The following CAPN1 variants were observed in gnomAD, a reference collection of about 807,000 sequenced individuals.
CAPN1 encodes calpain 1.
Under a neutral mutation model 105.2 loss-of-function variants are expected in CAPN1, and 77 were observed. The observed-to-expected ratio is 0.73, with a 90% CI of 0.61 to 0.88. The LOEUF (loss-of-function observed/expected upper bound fraction) is 0.88. CAPN1 is among the 40% of genes least tolerant of loss of function. The pLI, the probability that CAPN1 is intolerant of heterozygous loss-of-function variation, is 0.00. For missense variants in CAPN1, 833 were observed against 976.6 expected (o/e 0.85, Z 1.96); for synonymous variants, 355 against 388.8 (o/e 0.91, Z 1.02).
At position 65,209,219 on chromosome 11, in the gene CAPN1, G is replaced by A. The variant is rs997564225; in HGVS notation, c.1730-104G>A. The stretch of plus-strand genomic sequence containing the variant: ...CCTCTGCCAGATATTGCACCCACTC[G>A]TCAGGATTTGTGCGTCCTTGACTCT... On this transcript the variant is annotated intron_variant, in intron 16 of 21. Transcript: ENST00000279247. This position sits in a 1 kb window ranked among gnomAD's most constrained non-coding sequence, Gnocchi z 4.1. The A allele has an allele frequency of 6.1e-5, 50 of 820,918 alleles. No homozygotes were observed. The highest frequency in any genetic ancestry group is 1.6e-4 in the Admixed American group (8 of 49,408). 50.9% of individuals were successfully genotyped at this position (820,918 alleles called of 1,614,324 possible). A position where few individuals can be genotyped will look rare whatever the true frequency, so the allele number is the denominator to read the frequency against.
In CAPN1 at chr11:65,210,948, G is replaced by C. The variant is rs1372427352; in HGVS notation, c.2118+76G>C. On this transcript the variant is annotated intron_variant, in intron 21 of 21. Transcript: ENST00000279247. The surrounding 1 kb of genome is among the most constrained non-coding windows in gnomAD (Gnocchi z 4.3). ...TTTTCTTATCTGGCCAGTGTTCCCT[G>C]TCCTTTCCTGGAAATGAGCCTGGGC... The C allele has an allele frequency of 5.4e-6, 7 of 1,284,554 alleles. No homozygotes were observed. The highest frequency in any genetic ancestry group is 5.1e-5 in the Admixed American group (3 of 59,186). The allele number at this position is 1,284,554 out of a possible 1,614,324, so 79.6% of individuals were successfully genotyped here.
intron 14 of CAPN1, 100 bp downstream of exon 14, chr11:65,206,919 A>G: frequency 8.9e-7 from 1 of 1,128,426 alleles, no homozygotes; most frequent in Non-Finnish European, 1.3e-6. Flanking sequence ...TCCTGCTAAC[A>G]GGGAAGATCC....
intron 6 of CAPN1, 103 bp from the exon 7 acceptor site, chr11:65,187,112 T>C: frequency 1.3e-6 from 1 of 774,348 alleles, no homozygotes; most frequent in Non-Finnish European, 2.2e-6. Flanking sequence ...CTAGCAACTG[T>C]TGTATGTGCA....
intron 10 of CAPN1, among the ~76,000 whole-genome samples, chr11:65,201,080 G>T (rs1948862361): frequency 6.6e-6 from 1 of 151,474 alleles, no homozygotes; most frequent in Non-Finnish European, 1.5e-5. Flanking sequence ...CAGTAGCTGG[G>T]ACTACAGGTG....
Position 65,209,653 on chromosome 11 carries a change from A to T in CAPN1, c.1795-196A>T. ...CTGGTGCTATTTCTGACCCCTCCCCAGCCCACTCCACTGCAGCCCAGCTCA... is the reference window on the plus strand; with the variant it reads ...CTGGTGCTATTTCTGACCCCTCCCCTGCCCACTCCACTGCAGCCCAGCTCA... On this transcript the variant is annotated intron_variant, in intron 17 of 21. Transcript: ENST00000279247. This position sits in a 1 kb window ranked among gnomAD's most constrained non-coding sequence, Gnocchi z 4.1. 2 of 650,214 alleles carry T rather than the reference A, an allele frequency of 3.1e-6. No individual in the cohort carries two copies. Among genetic ancestry groups the T allele is most frequent in the Non-Finnish European group, 5.4e-6 (2 of 368,718 alleles). The allele number at this position is 650,214 out of a possible 1,614,324, so 40.3% of individuals were successfully genotyped here.
chr11:65,200,728 C>G (rs1172010410), intron 10 of CAPN1, among the ~76,000 whole-genome samples: 1 of 150,962 alleles, frequency 6.6e-6, no homozygotes, highest in East Asian at 2.0e-4. Flanking sequence ...GCAGCCTCAG[C>G]CTTCTGGGCT....
At chr11:65,211,024 T>A in intron 21 of CAPN1, 152 bp downstream of exon 21, 1 of 777,820 alleles carries the variant, frequency 1.3e-6, no homozygotes, top group Non-Finnish European at 2.2e-6. Context: ...AAGGCTGGGG[T>A]GGGGGTGTCT....
Position 65,208,743 on chromosome 11 carries a change from G to A in CAPN1, c.1729+481G>A, listed in dbSNP as rs1222735917. The A allele has an allele frequency of 8.0e-6, 2 of 250,824 alleles. No individual in the cohort carries two copies. The highest frequency in any genetic ancestry group is 1.0e-4 in the South Asian group (2 of 19,884). The allele number at this position is 250,824 out of a possible 1,614,324, so 15.5% of individuals were successfully genotyped here. A position where few individuals can be genotyped will look rare whatever the true frequency, so the allele number is the denominator to read the frequency against. On this transcript the variant is annotated intron_variant, in intron 16 of 21. Coordinates refer to ENST00000279247, the MANE Select transcript of CAPN1 (RefSeq NM_005186.4). This position sits in a 1 kb window ranked among gnomAD's most constrained non-coding sequence, Gnocchi z 4.1. The stretch of plus-strand genomic sequence containing the variant: ...TGCAGTGAGCTGTGATCACATCAGT[G>A]CACTCCAGCCTGGGCAACAGAGCAA...
At chr11:65,185,621 T>C (rs895539727) in intron 4 of CAPN1, among the ~76,000 whole-genome samples, 1 of 151,108 alleles carries the variant, frequency 6.6e-6, no homozygotes, top group African/African-American at 2.4e-5. Context: ...ATACTTTGAT[T>C]TCCTTCAATA....
rs533624971 is a variant in CAPN1 at position 65,191,570 on chromosome 11, G to C, written c.1165+2824G>C. 1.2e-4 allele frequency among the ~76,000 whole-genome samples: 18 copies of C among 152,214 alleles called. No homozygotes were observed. The East Asian group carries it at 3.5e-3, about 29-fold the overall frequency. On this transcript the variant is annotated intron_variant, in intron 10 of 21. Coordinates refer to ENST00000279247, the MANE Select transcript of CAPN1 (RefSeq NM_005186.4). Reference sequence around the variant, plus strand: ...ATTTTTGTATTTTTATTAGAGACAGGGTTTCACCATGTTGGCCAGGGTGGT... The same window carrying C: ...ATTTTTGTATTTTTATTAGAGACAGCGTTTCACCATGTTGGCCAGGGTGGT...
rs199993600 is a variant in CAPN1, at chr11:65,185,977, G to A, written c.517G>A (p.Gly173Arg). 3.5e-4 allele frequency: 563 copies of A among 1,602,986 alleles called. No homozygotes were observed. Among genetic ancestry groups the A allele is most frequent in the Middle Eastern group, 2.6e-3 (16 of 6,052 alleles). The change falls in exon 5 of 22, where the codon GGG becomes AGG. Residue 173 changes from glycine to arginine, a missense_variant. Coordinates refer to ENST00000279247, the MANE Select transcript of CAPN1 (RefSeq NM_005186.4). The stretch of plus-strand genomic sequence containing the variant: ...GGATGACCTGCTGCCCATCAAGGAC[G>A]GGAAGCTAGTGTTCGTGCACTCTGC... The part of the protein sequence containing the change: ...VVDDLLPIKD[G>R]KLVFVHSAEG...
intron 1 of CAPN1, chr11:65,182,226 C>G (rs150781111): frequency 3.7e-5 from 6 of 161,430 alleles, no homozygotes; most frequent in African/African-American, 1.2e-4. Context: ...TGATATCGAG[C>G]CTGCTGCGGG....
At position 65,188,373 on chromosome 11, in the gene CAPN1, G is replaced by A. The variant is rs774820167; in HGVS notation, c.930-41G>A. 6 of 1,565,718 alleles carry A rather than the reference G, an allele frequency of 3.8e-6. No individual in the cohort carries two copies. In the South Asian group the frequency reaches 6.9e-5, roughly 18 times the overall value. On this transcript the variant is annotated intron_variant, in intron 8 of 21. Coordinates refer to ENST00000279247, the MANE Select transcript of CAPN1 (RefSeq NM_005186.4). The surrounding 1 kb of genome is among the most constrained non-coding windows in gnomAD (Gnocchi z 5.5). ...GGCCCCAGGGACAGAGGCCAGGCAG[G>A]TCAGTGCCCACCAGCCCTGGCAGAG...
At chr11:65,190,703 G>GT (rs781281135) in intron 10 of CAPN1, among the ~76,000 whole-genome samples, 6 of 149,130 alleles carry the variant, frequency 4.0e-5, no homozygotes, top group Non-Finnish European at 4.5e-5. Context: ...TTTGTTGTTG[G>GT]TTTTTTTTGT....
At chr11:65,207,127 G>A (rs1398640017) in intron 14 of CAPN1, among the ~76,000 whole-genome samples, 1 of 151,360 alleles carries the variant, frequency 6.6e-6, no homozygotes, top group Non-Finnish European at 1.5e-5. Flanking sequence ...TACCTCCTCT[G>A]AATGGGAAAT....
chr11:65,192,704 T>G (rs1452121473), intron 10 of CAPN1, among the ~76,000 whole-genome samples: 2 of 151,926 alleles, frequency 1.3e-5, no homozygotes, highest in African/African-American at 4.8e-5. Flanking sequence ...CTCGAACTCC[T>G]GAGCTCAAAT....
chr11:65,204,745 T>A lies in CAPN1; in HGVS notation c.1228T>A (p.Tyr410Asn). Residue 410 changes from tyrosine to asparagine, a missense_variant, in exon 11 of 22, where the codon TAC becomes AAC. Tyr to Asn is a moderately radical substitution (Grantham distance 143). Coordinates refer to ENST00000279247, the MANE Select transcript of CAPN1 (RefSeq NM_005186.4). ...GGATGAGACGGATGACCCGGACGAC[T>A]ACGGGGACCGCGAGTCAGGCTGCAG... is the stretch of plus-strand genomic sequence containing the variant. ...RLDETDDPDD[Y>N]GDRESGCSFV... is the part of the protein sequence containing the mutation. 2 of 1,613,158 alleles carry A rather than the reference T, an allele frequency of 1.2e-6. No individual in the cohort carries two copies. The highest frequency in any genetic ancestry group is 4.5e-5 in the East Asian group (2 of 44,862).
At chr11:65,196,984 G>T (rs1165244961) in intron 10 of CAPN1, among the ~76,000 whole-genome samples, 1 of 152,122 alleles carries the variant, frequency 6.6e-6, no homozygotes, top group Non-Finnish European at 1.5e-5. Context: ...CTATGAGGCA[G>T]GAACTATTAT....
chr11:65,188,726 G>A lies in CAPN1; in HGVS notation c.1145G>A (p.Gly382Glu). 2 of 1,579,610 alleles carry A rather than the reference G, an allele frequency of 1.3e-6. No homozygotes were observed. The highest frequency in any genetic ancestry group is 8.6e-7 in the Non-Finnish European group (1 of 1,163,108). ...EGTWRRGSTA[G>E]GCRNYPATFW... Reference sequence around the variant, plus strand: ...ACCTGGCGGCGGGGGAGCACCGCGGGGGGCTGCCGAAACTACCCAGGTGCA... The same window carrying A: ...ACCTGGCGGCGGGGGAGCACCGCGGAGGGCTGCCGAAACTACCCAGGTGCA... Residue 382 changes from glycine to glutamate, a missense_variant, in exon 10 of 22, where the codon GGG (glycine) becomes GAG (glutamate). Coordinates refer to ENST00000279247, the MANE Select transcript of CAPN1 (RefSeq NM_005186.4). The surrounding 1 kb of genome is among the most constrained non-coding windows in gnomAD (Gnocchi z 5.5).
Sources: gnomAD v4.1 joint callset for allele counts (sites outside exome capture counted in the v4.1 genomes callset) on GRCh38, gnomAD v4.1.1 for gene constraint, Gnocchi (gnomAD v3.1) non-coding constraint, MANE v1.5 for transcripts, NCBI Gene and HGNC (gene_info 2026-07-23, HGNC 2026-07-21) for gene names.